KCNH1: variants seen among roughly 807,000 people sequenced by gnomAD.
KCNH1 encodes voltage-gated delayed rectifier potassium channel KCNH1.
A neutral mutation model predicts 69.2 loss-of-function variants in KCNH1; 27 were observed. The ratio of observed to expected loss-of-function variants is 0.39; its 90% confidence interval spans 0.29 to 0.54. The LOEUF is 0.54. Among genes scored for constraint, KCNH1 ranks in the 20% least tolerant of loss-of-function variants. The probability of loss-of-function intolerance (pLI) is 0.68; values close to 1 mark genes in which losing one functional copy is unlikely to be tolerated. For synonymous variants in KCNH1, 456 were observed against 487.7 expected (o/e 0.93, Z 0.86); for missense variants, 798 against 1,261.6 (o/e 0.63, Z 5.57).
At chr1:211,114,565 C>T (rs970177399) in intron 1 of KCNH1, among the ~76,000 whole-genome samples, 1 of 152,178 alleles carries the variant, frequency 6.6e-6, no homozygotes, top group African/African-American at 2.4e-5. Context: ...GAATAAAGTA[C>T]ATAAATTCCA....
At chr1:210,885,762 T>TA (rs1243481641) in intron 7 of KCNH1, among the ~76,000 whole-genome samples, 2 of 151,966 alleles carry the variant, frequency 1.3e-5, no homozygotes, top group Non-Finnish European at 2.9e-5. Flanking sequence ...CCTCACAGTA[T>TA]AAAAAAAGCT....
At chr1:210,833,339 T>C (rs1457650967) in intron 7 of KCNH1, among the ~76,000 whole-genome samples, 2 of 152,148 alleles carry the variant, frequency 1.3e-5, no homozygotes, top group African/African-American at 4.8e-5. Context: ...AACAGAGATA[T>C]GGATCAATGG....
intron 10 of KCNH1, among the ~76,000 whole-genome samples, chr1:210,707,175 G>A (rs968971370): frequency 1.3e-5 from 2 of 152,172 alleles, no homozygotes; most frequent in Admixed American, 1.3e-4. Context: ...GTAGGCGTGA[G>A]CAAGTGCATC....
At chr1:210,975,448 A>G (rs2102371597) in intron 6 of KCNH1, among the ~76,000 whole-genome samples, 1 of 152,308 alleles carries the variant, frequency 6.6e-6, no homozygotes, top group East Asian at 1.9e-4. Context: ...AATACCACAC[A>G]TCTACAACCA....
intron 6 of KCNH1, among the ~76,000 whole-genome samples, chr1:210,920,431 T>G (rs1254931538): frequency 1.3e-5 from 2 of 152,158 alleles, no homozygotes; most frequent in African/African-American, 4.8e-5. Flanking sequence ...TTGCATAATA[T>G]GAAAAATTTT....
chr1:210,694,290 T>C (rs948146459), intron 10 of KCNH1, among the ~76,000 whole-genome samples: 4 of 152,018 alleles, frequency 2.6e-5, no homozygotes, highest in Non-Finnish European at 5.9e-5. Context: ...AGATGTCCCT[T>C]CTCGGTGCCA....
chr1:210,781,508 T>G (rs1683985295), intron 9 of KCNH1, among the ~76,000 whole-genome samples: 1 of 152,092 alleles, frequency 6.6e-6, no homozygotes, highest in African/African-American at 2.4e-5. Flanking sequence ...TGAGGGAGGC[T>G]CCGAGGAAGG....
chr1:210,862,131 A>G, intron 7 of KCNH1: 2 of 1,304,882 alleles, frequency 1.5e-6, no homozygotes, highest in Non-Finnish European at 2.2e-6. Flanking sequence ...CCTGTCTCAC[A>G]GGTAAATCCA....
intron 7 of KCNH1, among the ~76,000 whole-genome samples, chr1:210,895,613 G>C (rs1448027118): frequency 6.6e-6 from 1 of 152,078 alleles, no homozygotes; most frequent in Non-Finnish European, 1.5e-5. Flanking sequence ...GCAATAGAAG[G>C]CCTCTCTGAC....
intron 2 of KCNH1, 81 bp from the exon 3 acceptor site, chr1:211,103,683 T>G (rs1269098436): frequency 1.1e-6 from 1 of 908,498 alleles, no homozygotes; most frequent in East Asian, 2.5e-5. Context: ...TGTTCTATAT[T>G]CAGCACTGTG....
intron 7 of KCNH1, among the ~76,000 whole-genome samples, chr1:210,811,996 A>G (rs1684712581): frequency 6.6e-6 from 1 of 152,200 alleles, no homozygotes; most frequent in Non-Finnish European, 1.5e-5. Flanking sequence ...TTGGTAGGTC[A>G]TGAGTGGGCC....
intron 10 of KCNH1, among the ~76,000 whole-genome samples, chr1:210,744,961 G>A (rs559829806): frequency 6.6e-6 from 1 of 152,264 alleles, no homozygotes; most frequent in South Asian, 2.1e-4. Flanking sequence ...CCAGCACTTT[G>A]GGAGGCCAAG....
chr1:211,015,498 C>T (rs576425075), intron 6 of KCNH1, among the ~76,000 whole-genome samples: 37 of 152,232 alleles, frequency 2.4e-4, no homozygotes, highest in African/African-American at 8.9e-4. Context: ...GTATTACCTG[C>T]TAAGTGTTCC....
At position 210,976,712 on chromosome 1, in the gene KCNH1, G is replaced by A. The variant is rs146748190; in HGVS notation, c.1032+42071C>T. On this transcript the variant is annotated intron_variant, in intron 6 of 10. Transcript: ENST00000271751. Reference sequence around the variant, plus strand: ...AGACTTGGAACCAACCCAAATGTCCGTCAATGACAGACTGGATTAAGAATA... The same window carrying A: ...AGACTTGGAACCAACCCAAATGTCCATCAATGACAGACTGGATTAAGAATA... Among the ~76,000 whole-genome samples, 1,100 of 138,520 alleles carry A rather than the reference G, an allele frequency of 7.9e-3. 22 individuals are homozygous for A. Among genetic ancestry groups the A allele is most frequent in the African/African-American group, 0.028 (1,046 of 37,266 alleles). 90.9% of individuals were successfully genotyped at this position (138,520 alleles called of 152,430 possible). A position where few individuals can be genotyped will look rare whatever the true frequency, so the allele number is the denominator to read the frequency against.
intron 1 of KCNH1, among the ~76,000 whole-genome samples, chr1:211,112,720 T>C (rs1429433418): frequency 6.6e-6 from 1 of 152,196 alleles, no homozygotes; most frequent in Non-Finnish European, 1.5e-5. Context: ...TGTCACTCCA[T>C]GATAGAAGGT....
Position 210,780,050 on chromosome 1 carries a change from G to A in KCNH1, c.1916-4506C>T, listed in dbSNP as rs148544953. ...CTAGAACAGCCAGCCACTTGAGAAAGCTGAAGGTGGGTGGGTAGGGTGAAA... is the reference window on the plus strand; with the variant it reads ...CTAGAACAGCCAGCCACTTGAGAAAACTGAAGGTGGGTGGGTAGGGTGAAA... On this transcript the variant is annotated intron_variant, in intron 9 of 10. Transcript: ENST00000271751. Among the ~76,000 whole-genome samples, 171 of 152,326 alleles carry A rather than the reference G, an allele frequency of 1.1e-3. 3 individuals carry two copies. The highest frequency in any genetic ancestry group is 8.2e-3 in the Admixed American group (126 of 15,306).
rs1034803985 is a variant in KCNH1, at chr1:210,681,341, T to A, written c.*1940A>T. Reference sequence around the variant, plus strand: ...CTCGGCCTTAGGAAATTAGACTTCCTCTTACTTGTATGCCGCCATCTGAGG... The same window carrying A: ...CTCGGCCTTAGGAAATTAGACTTCCACTTACTTGTATGCCGCCATCTGAGG... On this transcript the variant is annotated 3_prime_UTR_variant, in exon 11 of 11. Transcript: ENST00000271751. The A allele has an allele frequency of 3.3e-5, 5 of 152,316 alleles. 1 individual carries two copies. Among genetic ancestry groups the A allele is most frequent in the Admixed American group, 2.0e-4 (3 of 15,300 alleles). The allele number at this position is 152,316 out of a possible 1,614,324, so 9.4% of individuals were successfully genotyped here. A position where few individuals can be genotyped will look rare whatever the true frequency, so the allele number is the denominator to read the frequency against.
At chr1:210,999,066 G>T (rs1689112966) in intron 6 of KCNH1, among the ~76,000 whole-genome samples, 1 of 152,166 alleles carries the variant, frequency 6.6e-6, no homozygotes, top group Non-Finnish European at 1.5e-5. Context: ...AAGCAGGAAA[G>T]ATCTAAAATT....
At chr1:210,935,708 G>T (rs1397588022) in intron 6 of KCNH1, among the ~76,000 whole-genome samples, 1 of 152,160 alleles carries the variant, frequency 6.6e-6, no homozygotes, top group East Asian at 1.9e-4. Context: ...ACACAAACTT[G>T]CAATTATGAA....
Sources: gnomAD v4.1 joint callset for allele counts (sites outside exome capture counted in the v4.1 genomes callset) on GRCh38, gnomAD v4.1.1 for gene constraint, MANE v1.5 for transcripts, NCBI Gene and HGNC (gene_info 2026-07-23, HGNC 2026-07-21) for gene names.